RYR3: variants seen among roughly 807,000 people sequenced by gnomAD.
RYR3 encodes the protein brain ryanodine receptor-calcium release channel.
In RYR3, 207 loss-of-function variants were observed where a neutral mutation model predicts 584.3. The observed-to-expected ratio is 0.35, with a 90% CI of 0.32 to 0.40. The LOEUF (loss-of-function observed/expected upper bound fraction) is 0.40. RYR3 is among the 10% of genes least tolerant of loss of function. RYR3 has a pLI of 1.00. For synonymous variants in RYR3, 2,416 were observed against 2,248.5 expected (o/e 1.07, Z -2.11); for missense variants, 5,616 against 6,089.2 (o/e 0.92, Z 2.59).
intron 4 of RYR3, among the ~76,000 whole-genome samples, chr15:33,531,797 C>CT: frequency 6.6e-6 from 1 of 152,008 alleles, no homozygotes; most frequent in East Asian, 1.9e-4. Flanking sequence ...AGTAGGGAAA[C>CT]TTTGAACCCT....
intron 1 of RYR3, among the ~76,000 whole-genome samples, chr15:33,434,238 A>C (rs954697785): frequency 1.3e-5 from 2 of 152,026 alleles, no homozygotes; most frequent in South Asian, 4.1e-4. Flanking sequence ...AATATTGTCT[A>C]TTTGCCCACA....
At chr15:33,409,731 T>C (rs79726870) in intron 1 of RYR3, among the ~76,000 whole-genome samples, 4,719 of 152,330 alleles carry the variant, frequency 0.031, 222 homozygotes, top group African/African-American at 0.097. Context: ...AGAGAGAATC[T>C]TAGGAGTTGC....
intron 1 of RYR3, among the ~76,000 whole-genome samples, chr15:33,441,190 C>T (rs138401355): frequency 3.9e-5 from 6 of 152,200 alleles, no homozygotes; most frequent in East Asian, 1.9e-4. Flanking sequence ...ATTGTGGTTA[C>T]GGTTAGGGTT....
intron 89 of RYR3, chr15:33,839,793 A>C (rs1212322592): frequency 6.6e-6 from 1 of 152,218 alleles, no homozygotes; most frequent in Non-Finnish European, 1.5e-5. Flanking sequence ...CAGGTACTAT[A>C]GTTCTCTGTA....
intron 52 of RYR3, among the ~76,000 whole-genome samples, chr15:33,743,885 C>T (rs181337824): frequency 6.6e-6 from 1 of 152,328 alleles, no homozygotes; most frequent in East Asian, 1.9e-4. Context: ...TTCTCCTACC[C>T]AGCCCCTCTC....
intron 38 of RYR3, among the ~76,000 whole-genome samples, chr15:33,687,475 A>G (rs537579104): frequency 6.6e-6 from 1 of 152,358 alleles, no homozygotes; most frequent in East Asian, 1.9e-4. Context: ...TATCATGAAA[A>G]TGGCCATACT....
chr15:33,841,822 C>T lies in RYR3; in HGVS notation c.13038-42C>T, dbSNP rs959387249. ...TAGTCTCCCTTTTTGGGCCAGACCG[C>T]CCTCCCGTCTGCCCTGCTGAGTGGG... On this transcript the variant is annotated intron_variant, in intron 90 of 103. Transcript: ENST00000634891. 4.5e-6 allele frequency: 7 copies of T among 1,556,116 alleles called. No individual in the cohort carries two copies. The Admixed American group carries it at 1.4e-4, about 30-fold the overall frequency.
chr15:33,692,579 G>C (rs955338977), intron 38 of RYR3, among the ~76,000 whole-genome samples: 9 of 150,912 alleles, frequency 6.0e-5, no homozygotes, highest in Admixed American at 5.9e-4. Context: ...GCAACACAGC[G>C]GTAAGTCTTG....
At position 33,662,245 on chromosome 15, in the gene RYR3, G is replaced by T; in HGVS notation, c.4715G>T (p.Gly1572Val). The T allele has an allele frequency of 6.2e-7, 1 of 1,609,718 alleles. No individual in the cohort carries two copies. The highest frequency in any genetic ancestry group is 8.5e-7 in the Non-Finnish European group (1 of 1,178,246). Reference protein sequence around the residue: ...LRLYSAVCALGNSRVAYALCS... With the variant: ...LRLYSAVCALVNSRVAYALCS... ...CTCTACAGCGCGGTGTGCGCCCTGG[G>T]AAACAGCCGCGTGGCCTACGCCCTG... The change falls in exon 35 of 104, where the codon GGA becomes GTA. Residue 1572 changes from glycine (G) to valine (V), a missense_variant. Around this residue, in one of 9 missense-constraint regions of RYR3, gnomAD observed 753 missense variants for 741.0 expected, o/e 1.02. Transcript: ENST00000634891.
chr15:33,735,301 AC>A (rs898458784), intron 48 of RYR3, among the ~76,000 whole-genome samples: 4 of 152,138 alleles, frequency 2.6e-5, no homozygotes, highest in African/African-American at 7.2e-5. Context: ...GTGTATTTTC[AC>A]CCTGGGGCTT....
chr15:33,503,501 C>A, intron 2 of RYR3, 130 bp from the exon 3 acceptor site: 1 of 620,760 alleles, frequency 1.6e-6, no homozygotes, highest in Non-Finnish European at 2.9e-6. Context: ...AGAAAGCCAC[C>A]TTTTTGCATT....
intron 67 of RYR3, among the ~76,000 whole-genome samples, chr15:33,790,997 T>C (rs563491185): frequency 4.6e-5 from 7 of 152,334 alleles, no homozygotes; most frequent in East Asian, 1.9e-4. Flanking sequence ...TCATTAGTTA[T>C]TGGTGACCTT....
chr15:33,721,422 T>C (rs558819002), intron 43 of RYR3, among the ~76,000 whole-genome samples: 8 of 152,234 alleles, frequency 5.3e-5, no homozygotes, highest in African/African-American at 1.2e-4. Context: ...TAACAAATAT[T>C]TATTGTTCTA....
intron 32 of RYR3, among the ~76,000 whole-genome samples, chr15:33,657,499 G>T (rs2062888361): frequency 2.0e-5 from 3 of 152,204 alleles, no homozygotes. Context: ...GTCACATATT[G>T]GGCATTTGAG....
chr15:33,440,621 A>C (rs925122490), intron 1 of RYR3, among the ~76,000 whole-genome samples: 4 of 152,196 alleles, frequency 2.6e-5, no homozygotes, highest in Non-Finnish European at 5.9e-5. Context: ...AGTAGCGCTA[A>C]CTTTAAAACC....
At chr15:33,385,764 C>T (rs1319271570) in intron 1 of RYR3, among the ~76,000 whole-genome samples, 2 of 142,206 alleles carry the variant, frequency 1.4e-5, no homozygotes, top group Non-Finnish European at 3.0e-5. Flanking sequence ...AGTGCAGTGG[C>T]ATTATTATGG....
At position 33,756,329 on chromosome 15, in the gene RYR3, A is replaced by G. The variant is rs766762265; in HGVS notation, c.8539A>G (p.Thr2847Ala). 6.1e-5 allele frequency: 97 copies of G among 1,581,518 alleles called. No homozygotes were observed. The East Asian group carries it at 1.7e-3, about 27-fold the overall frequency. The change falls in exon 59 of 104, where the codon ACT (threonine) becomes GCT (alanine). Residue 2847 changes from threonine (T) to alanine (A), a missense_variant. By Grantham distance (58) the Thr-to-Ala change is moderately conservative (BLOSUM62 0). Transcript: ENST00000634891. ...AGAAGCCATTGTCAGCAGTGGGAAA[A>G]CTGAAAAGTCTCCCCGTGACCAGGA... ...HLEAIVSSGK[T>A]EKSPRDQEIK... is the part of the protein sequence containing the mutation.
At chr15:33,846,829 T>C (rs572164338) in intron 93 of RYR3, among the ~76,000 whole-genome samples, 44 of 152,316 alleles carry the variant, frequency 2.9e-4, no homozygotes, top group African/African-American at 9.1e-4. Context: ...GGGGATTAAA[T>C]GTAGAGGTAT....
Position 33,746,140 on chromosome 15 carries a change from A to G in RYR3, c.7972A>G (p.Lys2658Glu), listed in dbSNP as rs2070688217. The change falls in exon 53 of 104, where the codon AAG becomes GAG. Residue 2658 changes from lysine to glutamate, a missense_variant. Physicochemically the swap from Lys to Glu is moderately conservative, Grantham distance 56. This residue lies in a region of RYR3 where 1,280 missense variants were observed against 1,426.2 expected (regional missense o/e 0.90). Transcript: ENST00000634891. ...VKTHPLIRPF[K>E]TLTEKEKEIY... ...GACCCACCCACTGATAAGGCCTTTCAAGACATTAACGGAGAAGGTAAGAAG... is the reference window on the plus strand; with the variant it reads ...GACCCACCCACTGATAAGGCCTTTCGAGACATTAACGGAGAAGGTAAGAAG... 1.3e-6 allele frequency: 2 copies of G among 1,596,752 alleles called. No homozygotes were observed. The highest frequency in any genetic ancestry group is 1.7e-6 in the Non-Finnish European group (2 of 1,171,260).
Sources: gnomAD v4.1 joint callset for allele counts (sites outside exome capture counted in the v4.1 genomes callset) on GRCh38, gnomAD v4.1.1 for gene constraint, gnomAD v4.1.1 regional missense constraint, MANE v1.5 for transcripts, NCBI Gene and HGNC (gene_info 2026-07-23, HGNC 2026-07-21) for gene names.